Variants in LPP observed in about 807,000 individuals in gnomAD.
The protein encoded by LPP is LIM domain containing preferred translocation partner in lipoma, also known as lipoma-preferred partner.
LPP carries 38 observed loss-of-function variants against 60.4 expected under a neutral mutation model. That is an observed-to-expected ratio of 0.63 (90% confidence interval 0.49 to 0.83). The LOEUF is 0.83. Ranked by LOEUF, LPP falls within the 40% of genes least tolerant of loss-of-function variation. The probability of loss-of-function intolerance (pLI) is 0.00; values close to 1 mark genes in which losing one functional copy is unlikely to be tolerated. For synonymous variants in LPP, 328 were observed against 290.8 expected, an observed-to-expected ratio of 1.13 and a Z score of -1.30; for missense variants, 902 against 783.6, an observed-to-expected ratio of 1.15 and a Z score of -1.80.
chr3:188,468,421 A>G (rs1800985424), intron 4 of LPP, among the ~76,000 whole-genome samples: 1 of 152,180 alleles, frequency 6.6e-6, no homozygotes, highest in Non-Finnish European at 1.5e-5. Context: ...TTCCAAAAGA[A>G]CTTTATCTAC....
At position 188,684,526 on chromosome 3, in the gene LPP, A is replaced by C. The variant is rs1860232196; in HGVS notation, c.1114-23741A>C. On this transcript the variant is annotated intron_variant, in intron 7 of 11. Coordinates refer to ENST00000617246, the MANE Select transcript of LPP (RefSeq NM_001375462.1). ...GTCAGGTCCTTCACTGATAGCTTAT[A>C]GCTAAAAACCACTTGGGAGAGGGGC... Among the ~76,000 whole-genome samples the C allele has an allele frequency of 2.0e-5, 3 of 152,328 alleles. No homozygotes were observed. In the South Asian group the frequency reaches 6.2e-4, roughly 32 times the overall value.
chr3:188,675,091 C>T (rs1246554283), intron 7 of LPP, among the ~76,000 whole-genome samples: 1 of 152,144 alleles, frequency 6.6e-6, no homozygotes, highest in African/African-American at 2.4e-5. Flanking sequence ...CAGCATTAGC[C>T]TTAGTTATGA....
intron 6 of LPP, among the ~76,000 whole-genome samples, chr3:188,529,037 T>A (rs765786122): frequency 5.3e-5 from 8 of 152,230 alleles, no homozygotes; most frequent in Non-Finnish European, 1.2e-4. Context: ...GATGATCCAT[T>A]CTAATTTTTT....
intron 7 of LPP, among the ~76,000 whole-genome samples, chr3:188,631,476 C>T (rs1847841155): frequency 6.6e-6 from 1 of 152,114 alleles, no homozygotes; most frequent in Non-Finnish European, 1.5e-5. Context: ...GTCAGCCGTG[C>T]ATTTATAATT....
chr3:188,281,644 G>A (rs376740255), intron 2 of LPP, among the ~76,000 whole-genome samples: 22 of 144,174 alleles, frequency 1.5e-4, no homozygotes, highest in African/African-American at 4.9e-4. Context: ...ATATTGCAAG[G>A]ATGAGGACAT....
intron 9 of LPP, among the ~76,000 whole-genome samples, chr3:188,837,334 G>A (rs1758710069): frequency 6.6e-6 from 1 of 151,274 alleles, no homozygotes; most frequent in South Asian, 2.1e-4. Context: ...AGCTGAGATT[G>A]CGCCACTGGA....
At chr3:188,650,590 G>A (rs975844118) in intron 7 of LPP, among the ~76,000 whole-genome samples, 2 of 152,132 alleles carry the variant, frequency 1.3e-5, no homozygotes, top group African/African-American at 4.8e-5. Context: ...TATACCAAGT[G>A]CTGTCAGAAG....
At chr3:188,286,667 T>C (rs987584211) in intron 2 of LPP, among the ~76,000 whole-genome samples, 3 of 152,144 alleles carry the variant, frequency 2.0e-5, no homozygotes, top group African/African-American at 7.2e-5. Context: ...AATGTATTGA[T>C]ACTAAAAAGG....
chr3:188,221,929 T>C (rs73887391), intron 1 of LPP, among the ~76,000 whole-genome samples: 4,106 of 152,312 alleles, frequency 0.027, 190 homozygotes, highest in African/African-American at 0.094. Flanking sequence ...AAAGCCTGTG[T>C]CATGAAACTT....
intron 3 of LPP, among the ~76,000 whole-genome samples, chr3:188,370,196 G>T (rs1772594869): frequency 6.6e-6 from 1 of 152,154 alleles, no homozygotes; most frequent in Non-Finnish European, 1.5e-5. Context: ...AAAGTGTTGG[G>T]ATTACAGGCG....
intron 3 of LPP, among the ~76,000 whole-genome samples, chr3:188,349,684 G>T (rs1446832575): frequency 6.6e-6 from 1 of 152,148 alleles, no homozygotes. Flanking sequence ...GGTTCAGTGG[G>T]CCTGCCCCAT....
intron 2 of LPP, among the ~76,000 whole-genome samples, chr3:188,337,420 CT>C (rs1394115321): frequency 6.6e-6 from 1 of 152,178 alleles, no homozygotes; most frequent in Non-Finnish European, 1.5e-5. Context: ...AGGTCTGTAG[CT>C]GTTCAAGGTG....
intron 2 of LPP, among the ~76,000 whole-genome samples, chr3:188,241,308 T>C (rs2149467801): frequency 6.6e-6 from 1 of 152,362 alleles, no homozygotes; most frequent in Middle Eastern, 3.4e-3. Context: ...TGACTGGGTA[T>C]AAACGCCTGT....
chr3:188,874,301 G>A (rs780473608), intron 11 of LPP, 50 bp from the exon 12 acceptor site: 1 of 1,575,528 alleles, frequency 6.3e-7, no homozygotes, highest in South Asian at 1.1e-5. Context: ...CTCCACATGT[G>A]TACTTAACGT....
At chr3:188,358,202 A>G (rs1768168470) in intron 3 of LPP, among the ~76,000 whole-genome samples, 1 of 152,216 alleles carries the variant, frequency 6.6e-6, no homozygotes, top group South Asian at 2.1e-4. Context: ...CAGAGATGTT[A>G]CATAATTTGC....
intron 2 of LPP, among the ~76,000 whole-genome samples, chr3:188,317,018 C>G (rs1218611553): frequency 6.6e-6 from 1 of 152,162 alleles, no homozygotes; most frequent in Non-Finnish European, 1.5e-5. Flanking sequence ...GATTCAGGCT[C>G]TGAAGTCTAA....
intron 3 of LPP, among the ~76,000 whole-genome samples, chr3:188,366,710 T>C (rs2151008045): frequency 6.6e-6 from 1 of 152,210 alleles, no homozygotes; most frequent in South Asian, 2.1e-4. Flanking sequence ...ACTGCTAAAA[T>C]CACAGACTCA....
intron 6 of LPP, among the ~76,000 whole-genome samples, chr3:188,536,538 T>A (rs1347079227): frequency 6.6e-6 from 1 of 152,246 alleles, no homozygotes; most frequent in Non-Finnish European, 1.5e-5. Flanking sequence ...TCCATACACA[T>A]ATATTTGCCT....
chr3:188,382,568 T>C (rs1386113153), intron 3 of LPP, among the ~76,000 whole-genome samples: 3 of 150,898 alleles, frequency 2.0e-5, no homozygotes, highest in Admixed American at 6.6e-5. Context: ...GTAATTATGA[T>C]GTTTGTTTGT....
Sources: allele counts gnomAD v4.1 joint callset (sites outside exome capture counted in the v4.1 genomes callset), GRCh38; gene constraint gnomAD v4.1.1; transcripts MANE v1.5; gene names NCBI Gene and HGNC (gene_info 2026-07-23, HGNC 2026-07-21).